PLCB1: variants seen among roughly 807,000 people sequenced by gnomAD.
PLCB1 encodes the protein phospholipase C beta 1, also known as 1-phosphatidylinositol 4,5-bisphosphate phosphodiesterase beta-1.
A neutral mutation model predicts 161.8 loss-of-function variants in PLCB1; 46 were observed. That is an observed-to-expected ratio of 0.28 (90% confidence interval 0.22 to 0.36). The LOEUF (loss-of-function observed/expected upper bound fraction) is 0.36, where lower values mean the gene tolerates loss of function less well. Ranked by LOEUF, PLCB1 falls within the 10% of genes least tolerant of loss-of-function variation. The probability of loss-of-function intolerance (pLI) is 1.00; values close to 1 mark genes in which losing one functional copy is unlikely to be tolerated. For missense variants in PLCB1, 1,016 were observed against 1,472.5 expected, an observed-to-expected ratio of 0.69 and a Z score of 5.07; for synonymous variants, 517 against 503.7, an observed-to-expected ratio of 1.03 and a Z score of -0.35.
rs77096364 is a variant in PLCB1 at position 8,186,987 on chromosome 20, G to A, written c.177+36616G>A. ...TGGCCCCAGCCTAAATGGGGTGATG[G>A]CTTTCAGAACTAAGCAGGCTGAGCA... On this transcript the variant is annotated intron_variant, in intron 2 of 31. Coordinates refer to ENST00000338037, the MANE Select transcript of PLCB1 (RefSeq NM_015192.4). Among the ~76,000 whole-genome samples the A allele has an allele frequency of 5.6e-3, 850 of 152,218 alleles. 8 individuals are homozygous for A. The highest frequency in any genetic ancestry group is 0.019 in the African/African-American group (802 of 41,534).
At chr20:8,334,582 C>T (rs920500189) in intron 2 of PLCB1, among the ~76,000 whole-genome samples, 8 of 152,130 alleles carry the variant, frequency 5.3e-5, no homozygotes, top group African/African-American at 1.9e-4. Flanking sequence ...GTTTATTGGT[C>T]AAGTAAATAA....
rs1980468437 is a variant in PLCB1, at chr20:8,439,689, A to G, written c.246+68239A>G. On this transcript the variant is annotated intron_variant, in intron 3 of 31. Coordinates refer to ENST00000338037, the MANE Select transcript of PLCB1 (RefSeq NM_015192.4). Reference sequence around the variant, plus strand: ...CAGCAGGTCTGTAAATAAAATTTAAATCTTCATTACTATATTTTCTACATT... The same window carrying G: ...CAGCAGGTCTGTAAATAAAATTTAAGTCTTCATTACTATATTTTCTACATT... Among the ~76,000 whole-genome samples the G allele has an allele frequency of 2.6e-5, 4 of 152,288 alleles. 1 individual carries two copies. The highest frequency in any genetic ancestry group is 7.2e-5 in the African/African-American group (3 of 41,582).
At chr20:8,296,824 T>C (rs1432209751) in intron 2 of PLCB1, among the ~76,000 whole-genome samples, 1 of 152,174 alleles carries the variant, frequency 6.6e-6, no homozygotes, top group Non-Finnish European at 1.5e-5. Context: ...AAATGTACAA[T>C]GCTTTTCCAT....
rs573123457 is a variant in PLCB1, at chr20:8,644,692, C to T, written c.385-1410C>T. On this transcript the variant is annotated intron_variant, in intron 4 of 31. Transcript: ENST00000338037. Reference sequence around the variant, plus strand: ...GTCTCCGCCCGGCAGCCGCCCCGTCCGGGAGGGAGGTGGGGGGGTCAGCCC... The same window carrying T: ...GTCTCCGCCCGGCAGCCGCCCCGTCTGGGAGGGAGGTGGGGGGGTCAGCCC... 1.7e-4 allele frequency among the ~76,000 whole-genome samples: 26 copies of T among 151,664 alleles called. No homozygotes were observed. In the South Asian group the frequency reaches 2.9e-3, roughly 17 times the overall value.
intron 10 of PLCB1, among the ~76,000 whole-genome samples, chr20:8,693,948 G>A (rs1990533401): frequency 6.6e-6 from 1 of 152,218 alleles, no homozygotes. Context: ...TCCAGAGGAT[G>A]TTCAGAGCCA....
chr20:8,175,538 G>T (rs1175150392), intron 2 of PLCB1, among the ~76,000 whole-genome samples: 1 of 151,972 alleles, frequency 6.6e-6, no homozygotes, highest in African/African-American at 2.4e-5. Context: ...ATAGATCCTA[G>T]ATATAAATCT....
At chr20:8,802,528 T>A (rs977015560) in intron 31 of PLCB1, 1 of 211,204 alleles carries the variant, frequency 4.7e-6, no homozygotes, top group African/African-American at 2.3e-5. Context: ...GAAACATTTT[T>A]TTTTCCATTT....
chr20:8,453,792 A>C (rs1981176867), intron 3 of PLCB1, among the ~76,000 whole-genome samples: 1 of 152,214 alleles, frequency 6.6e-6, no homozygotes, highest in Non-Finnish European at 1.5e-5. Context: ...GGCAGATGGA[A>C]GAGCATATAC....
intron 1 of PLCB1, among the ~76,000 whole-genome samples, chr20:8,145,220 A>G (rs1278815552): frequency 6.6e-6 from 1 of 152,040 alleles, no homozygotes; most frequent in East Asian, 1.9e-4. Context: ...TGGCTGGTAG[A>G]TGGCCTGCTT....
At chr20:8,465,917 G>A (rs1236593) in intron 3 of PLCB1, among the ~76,000 whole-genome samples, 13 of 150,412 alleles carry the variant, frequency 8.6e-5, no homozygotes, top group African/African-American at 3.0e-4. Flanking sequence ...TCAGTGTGGC[G>A]ATTCCTCAGG....
At chr20:8,620,152 T>C (rs1382553312) in intron 3 of PLCB1, among the ~76,000 whole-genome samples, 1 of 152,240 alleles carries the variant, frequency 6.6e-6, no homozygotes, top group African/African-American at 2.4e-5. Context: ...AACTCTAATG[T>C]GTCACATGTA....
intron 27 of PLCB1, among the ~76,000 whole-genome samples, chr20:8,782,109 T>C (rs1421645124): frequency 6.6e-6 from 1 of 152,218 alleles, no homozygotes; most frequent in Admixed American, 6.5e-5. Context: ...TAATATAAGT[T>C]CTATTTAGCT....
intron 2 of PLCB1, among the ~76,000 whole-genome samples, chr20:8,272,729 G>A (rs1258311270): frequency 6.6e-6 from 1 of 152,114 alleles, no homozygotes; most frequent in Non-Finnish European, 1.5e-5. Context: ...TCAGATATCA[G>A]AAGTGTAGTA....
chr20:8,559,796 G>A (rs1187676449), intron 3 of PLCB1, among the ~76,000 whole-genome samples: 3 of 151,966 alleles, frequency 2.0e-5, no homozygotes, highest in Non-Finnish European at 2.9e-5. Context: ...AAGAGCTTAA[G>A]GTTTGATATA....
intron 10 of PLCB1, among the ~76,000 whole-genome samples, chr20:8,692,118 T>G (rs1422069088): frequency 6.6e-6 from 1 of 152,200 alleles, no homozygotes; most frequent in African/African-American, 2.4e-5. Context: ...AAGAAACCAT[T>G]AGATTTGAGG....
intron 3 of PLCB1, among the ~76,000 whole-genome samples, chr20:8,581,264 A>G (rs1406003128): frequency 1.3e-5 from 2 of 152,160 alleles, no homozygotes; most frequent in Non-Finnish European, 2.9e-5. Context: ...ACGCTGTGCT[A>G]CTTAAATGTT....
intron 31 of PLCB1, among the ~76,000 whole-genome samples, chr20:8,841,800 A>G (rs959598774): frequency 2.6e-5 from 4 of 152,188 alleles, no homozygotes; most frequent in African/African-American, 7.2e-5. Flanking sequence ...TAAGTTCTCA[A>G]TGGACTCTGA....
intron 23 of PLCB1, chr20:8,752,169 CAAGTT>C (rs1343328806): frequency 1.3e-5 from 2 of 152,148 alleles, no homozygotes; most frequent in African/African-American, 2.4e-5. Flanking sequence ...ATCTCAGCAG[CAAGTT>C]AAGTTATTAT....
At chr20:8,816,293 GC>G (rs1367565023) in intron 31 of PLCB1, among the ~76,000 whole-genome samples, 1 of 152,126 alleles carries the variant, frequency 6.6e-6, no homozygotes, top group East Asian at 1.9e-4. Context: ...CAAACTGAGT[GC>G]CCAGCCACAA....
Sources: allele counts gnomAD v4.1 joint callset (sites outside exome capture counted in the v4.1 genomes callset), GRCh38; gene constraint gnomAD v4.1.1; transcripts MANE v1.5; gene names NCBI Gene and HGNC (gene_info 2026-07-23, HGNC 2026-07-21).